The following DCN variants were observed in gnomAD, a reference collection of about 807,000 sequenced individuals.
DCN encodes bone proteoglycan II.
DCN carries 17 observed loss-of-function variants against 36.5 expected under a neutral mutation model. That is an observed-to-expected ratio of 0.47 (90% CI 0.32 to 0.70). The LOEUF (loss-of-function observed/expected upper bound fraction) is 0.70. Among genes scored for constraint, DCN ranks in the 30% least tolerant of loss-of-function variants. The pLI, the probability that DCN is intolerant of heterozygous loss-of-function variation, is 0.04. For synonymous variants in DCN, 163 were observed against 161.4 expected (o/e 1.01, Z -0.07); for missense variants, 389 against 430.1 (o/e 0.90, Z 0.84).
At chr12:91,177,842 G>C (rs1883389155) in intron 2 of DCN, 1 of 592,378 alleles carries the variant, frequency 1.7e-6, no homozygotes. Flanking sequence ...ATAAGATTTT[G>C]TCATAAAATT....
At chr12:91,165,801 T>G (rs1882529682) in intron 2 of DCN, among the ~76,000 whole-genome samples, 1 of 152,170 alleles carries the variant, frequency 6.6e-6, no homozygotes, top group African/African-American at 2.4e-5. Context: ...AGATTATTTT[T>G]TCATAAATTC....
chr12:91,152,189 A>C (rs945303490), intron 6 of DCN, among the ~76,000 whole-genome samples: 1 of 152,152 alleles, frequency 6.6e-6, no homozygotes, highest in Non-Finnish European at 1.5e-5. Context: ...ACTTATGTGC[A>C]TGATATTATG....
At chr12:91,181,437 G>T (rs546592077) in intron 1 of DCN, among the ~76,000 whole-genome samples, 2 of 152,070 alleles carry the variant, frequency 1.3e-5, no homozygotes, top group South Asian at 4.1e-4. Context: ...AGCTGTCCAA[G>T]TAGTAACCAA....
At chr12:91,172,855 G>T in intron 2 of DCN, 1 of 632,946 alleles carries the variant, frequency 1.6e-6, no homozygotes, top group Non-Finnish European at 2.8e-6. Flanking sequence ...ATAAATTATT[G>T]CAATACTTCT....
At chr12:91,148,294 C>G (rs1047924525) in intron 7 of DCN, among the ~76,000 whole-genome samples, 3 of 151,910 alleles carry the variant, frequency 2.0e-5, no homozygotes, top group African/African-American at 7.3e-5. Flanking sequence ...AGGATGGTCT[C>G]GATCTCCTGA....
intron 2 of DCN, chr12:91,172,964 G>A (rs1196741601): frequency 6.6e-6 from 3 of 457,904 alleles, no homozygotes; most frequent in Non-Finnish European, 1.1e-5. Flanking sequence ...AATAATCAAA[G>A]CAAATGTAGA....
chr12:91,156,561 T>G (rs1335949684), intron 5 of DCN, among the ~76,000 whole-genome samples: 1 of 152,022 alleles, frequency 6.6e-6, no homozygotes, highest in Non-Finnish European at 1.5e-5. Flanking sequence ...AAATCTACAC[T>G]CTTCACAACA....
chr12:91,153,587 C>T (rs1032679909), intron 5 of DCN, among the ~76,000 whole-genome samples: 2 of 152,050 alleles, frequency 1.3e-5, no homozygotes, highest in Non-Finnish European at 2.9e-5. Context: ...GAAGAGATTA[C>T]GTATAAATTA....
At chr12:91,167,103 C>CTAA in intron 2 of DCN, among the ~76,000 whole-genome samples, 1 of 152,202 alleles carries the variant, frequency 6.6e-6, no homozygotes, top group East Asian at 1.9e-4. Context: ...GATGACAACT[C>CTAA]TCCTGGCTTC....
chr12:91,158,262 A>G, intron 4 of DCN, 34 bp downstream of exon 4: 1 of 1,338,004 alleles, frequency 7.5e-7, no homozygotes. Flanking sequence ...TAAAAACTTG[A>G]GTTTTGGTCT....
chr12:91,181,994 A>G (rs964490190), intron 1 of DCN, among the ~76,000 whole-genome samples: 1 of 152,100 alleles, frequency 6.6e-6, no homozygotes, highest in Non-Finnish European at 1.5e-5. Context: ...AAATTAACCC[A>G]CATCCTCATT....
Position 91,151,480 on chromosome 12 carries a change from T to C in DCN, c.885+174A>G, listed in dbSNP as rs1216265934. The C allele has an allele frequency of 7.2e-6, 5 of 694,470 alleles. No individual in the cohort carries two copies. In the African/African-American group the frequency reaches 9.0e-5, roughly 12 times the overall value. The allele number at this position is 694,470 out of a possible 1,614,324, so 43.0% of individuals were successfully genotyped here. Reference sequence around the variant, plus strand: ...AAACTTTATTGAAATCTAGCTAATGTAAATTGTGCTTCATGATTTAATTTT... The same window carrying C: ...AAACTTTATTGAAATCTAGCTAATGCAAATTGTGCTTCATGATTTAATTTT... On this transcript the variant is annotated intron_variant, in intron 7 of 7. Transcript: ENST00000052754.
chr12:91,172,604 TAC>T (rs1883039245), intron 2 of DCN: 1 of 493,132 alleles, frequency 2.0e-6, no homozygotes. Context: ...TTCCTGGTTT[TAC>T]AGTTGTCCTT....
intron 2 of DCN, among the ~76,000 whole-genome samples, chr12:91,174,432 A>G (rs1404273080): frequency 2.6e-5 from 4 of 152,122 alleles, no homozygotes; most frequent in African/African-American, 9.6e-5. Context: ...AATAATAAGT[A>G]TAAGTCATTG....
chr12:91,171,334 C>T (rs1181977133), intron 2 of DCN, among the ~76,000 whole-genome samples: 1 of 152,120 alleles, frequency 6.6e-6, no homozygotes, highest in Non-Finnish European at 1.5e-5. Flanking sequence ...TCAAACTTCT[C>T]ATTAGAAATG....
rs545919279 is a variant in DCN, at chr12:91,143,831, T to A, written c.*2227A>T. 1.3e-5 allele frequency: 2 copies of A among 148,152 alleles called. No individual in the cohort carries two copies. The highest frequency in any genetic ancestry group is 2.5e-5 in the African/African-American group (1 of 40,786). 9.2% of individuals were successfully genotyped at this position (148,152 alleles called of 1,614,324 possible). ...ATGCAAAAAGATATATATATAAATA[T>A]ATATATATAAAGATATATATGTGTG... On this transcript the variant is annotated 3_prime_UTR_variant, in exon 8 of 8. Coordinates refer to ENST00000052754, the MANE Select transcript of DCN (RefSeq NM_001920.5).
Position 91,142,799 on chromosome 12 carries a change from G to A in DCN, c.*3259C>T, listed in dbSNP as rs1275276976. 1.3e-5 allele frequency: 2 copies of A among 152,080 alleles called. No homozygotes were observed. The highest frequency in any genetic ancestry group is 4.8e-5 in the African/African-American group (2 of 41,402). The allele number at this position is 152,080 out of a possible 1,614,324, so 9.4% of individuals were successfully genotyped here. On this transcript the variant is annotated 3_prime_UTR_variant, in exon 8 of 8. Transcript: ENST00000052754. ...AATTTTTAAGTTTCCAACCTTTTAT[G>A]TGAAGCACCCATAATCGAACAACAG...
In DCN at chr12:91,146,106, G is replaced by A. The variant is rs1244313723; in HGVS notation, c.1032C>T (p.Phe344=). 6.2e-7 allele frequency: 1 copy of A among 1,613,858 alleles called. No individual in the cohort carries two copies. Among genetic ancestry groups the A allele is most frequent in the Non-Finnish European group, 8.5e-7 (1 of 1,179,930 alleles). ...VQYWEIQPST[F]RCVYVRSAIQ... is the part of the protein sequence containing the mutation. ...TGGCAGAGCGCACGTAGACACATCT[G>A]AAGGTGGATGGCTGTATCTCCCAGT... Residue 344 remains phenylalanine, a synonymous_variant, in exon 8 of 8, where the codon TTC becomes TTT. Transcript: ENST00000052754.
At chr12:91,156,618 A>G (rs1359098158) in intron 5 of DCN, among the ~76,000 whole-genome samples, 1 of 140,574 alleles carries the variant, frequency 7.1e-6, no homozygotes, top group Non-Finnish European at 1.6e-5. Flanking sequence ...AGTGTCTTAA[A>G]AAGGAAAAAA....
Sources: gnomAD v4.1 joint callset for allele counts (sites outside exome capture counted in the v4.1 genomes callset) on GRCh38, gnomAD v4.1.1 for gene constraint, MANE v1.5 for transcripts, NCBI Gene and HGNC (gene_info 2026-07-23, HGNC 2026-07-21) for gene names.